Variants in CLEC16A observed in about 807,000 individuals in gnomAD.
CLEC16A encodes the protein protein CLEC16A.
CLEC16A carries 51 observed loss-of-function variants against 109.5 expected under a neutral mutation model. That is an observed-to-expected ratio of 0.47 (90% confidence interval 0.37 to 0.59). The LOEUF (loss-of-function observed/expected upper bound fraction) is 0.59. Among genes scored for constraint, CLEC16A ranks in the 20% least tolerant of loss-of-function variants. The probability of loss-of-function intolerance (pLI) is 0.00; values close to 1 mark genes in which losing one functional copy is unlikely to be tolerated. For synonymous variants in CLEC16A, 673 were observed against 564.2 expected (o/e 1.19, Z -2.73); for missense variants, 1,339 against 1,394.0 (o/e 0.96, Z 0.63).
intron 19 of CLEC16A, among the ~76,000 whole-genome samples, chr16:11,099,348 T>G (rs1206497573): frequency 6.6e-6 from 1 of 152,230 alleles, no homozygotes; most frequent in African/African-American, 2.4e-5. Context: ...AAATCTACAT[T>G]AATGAAAATT....
At chr16:11,001,812 T>C (rs1218173743) in intron 10 of CLEC16A, among the ~76,000 whole-genome samples, 2 of 152,176 alleles carry the variant, frequency 1.3e-5, no homozygotes, top group Non-Finnish European at 2.9e-5. Flanking sequence ...CGGCCATCTC[T>C]GACTTTTTAA....
intron 10 of CLEC16A, among the ~76,000 whole-genome samples, chr16:10,996,808 G>A (rs1244142573): frequency 6.6e-6 from 1 of 152,144 alleles, no homozygotes; most frequent in Non-Finnish European, 1.5e-5. Flanking sequence ...GAGAGGCGTG[G>A]CCTGTGGCTT....
chr16:10,978,050 A>G (rs1049817837), intron 8 of CLEC16A, among the ~76,000 whole-genome samples: 1 of 152,134 alleles, frequency 6.6e-6, no homozygotes, highest in Non-Finnish European at 1.5e-5. Flanking sequence ...GCCAGAACCC[A>G]CTGATTTGGA....
chr16:11,098,328 G>A (rs963646374), intron 19 of CLEC16A, among the ~76,000 whole-genome samples: 2 of 152,258 alleles, frequency 1.3e-5, no homozygotes, highest in East Asian at 3.8e-4. Flanking sequence ...GCGTGCCTGT[G>A]CACGCCGAGG....
chr16:11,126,186 A>G, intron 22 of CLEC16A, 40 bp downstream of exon 22: 1 of 1,612,150 alleles, frequency 6.2e-7, no homozygotes, highest in Non-Finnish European at 8.5e-7. Context: ...CTCGTTCATC[A>G]TGGTGGGCGT....
chr16:11,020,241 C>T lies in CLEC16A; in HGVS notation c.1352C>T (p.Ala451Val). The change falls in exon 12 of 24, where the codon GCC becomes GTC. Residue 451 changes from alanine (A) to valine (V), a missense_variant. By Grantham distance (64) the Ala-to-Val change is moderately conservative (BLOSUM62 0). Transcript: ENST00000409790. ...CGTAGCAAGCTCTCAGAGCTGGCCG[C>T]CAGCACCTCCGTGCAGGAGCAGAAC... ...MERSKLSELA[A>V]STSVQEQNTT... The T allele has an allele frequency of 6.2e-7, 1 of 1,613,790 alleles. No individual in the cohort carries two copies. The highest frequency in any genetic ancestry group is 8.5e-7 in the Non-Finnish European group (1 of 1,179,780).
intron 19 of CLEC16A, chr16:11,070,535 C>T (rs1212228340): frequency 6.6e-6 from 1 of 152,172 alleles, no homozygotes; most frequent in East Asian, 1.9e-4. Context: ...TGAATTATTG[C>T]AGTAGTCTCT....
At chr16:11,051,384 A>G (rs906326180) in intron 17 of CLEC16A, 129 bp from the exon 18 acceptor site, 2 of 945,990 alleles carry the variant, frequency 2.1e-6, no homozygotes, top group Middle Eastern at 2.5e-4. Context: ...ATCTAAATCC[A>G]GGATTTAGAT....
intron 13 of CLEC16A, among the ~76,000 whole-genome samples, chr16:11,031,730 A>C (rs1050530335): frequency 6.6e-6 from 1 of 152,218 alleles, no homozygotes; most frequent in Admixed American, 6.5e-5. Flanking sequence ...CTAGTAACCA[A>C]GTAAAATAAT....
At position 10,954,892 on chromosome 16, in the gene CLEC16A, G is replaced by A. The variant is rs1006141080; in HGVS notation, c.81-2890G>A. On this transcript the variant is annotated intron_variant, in intron 1 of 23. Coordinates refer to ENST00000409790, the MANE Select transcript of CLEC16A (RefSeq NM_015226.3). This position sits in a 1 kb window ranked among gnomAD's most constrained non-coding sequence, Gnocchi z 4.2. The stretch of plus-strand genomic sequence containing the variant: ...TCCTTAGATAATGTAGTAATAATGT[G>A]AATAACGGCCCCCACCACAATGACC... 3.9e-5 allele frequency among the ~76,000 whole-genome samples: 6 copies of A among 152,168 alleles called. No individual in the cohort carries two copies. Among genetic ancestry groups the A allele is most frequent in the Non-Finnish European group, 1.5e-5 (1 of 68,032 alleles).
intron 20 of CLEC16A, among the ~76,000 whole-genome samples, chr16:11,122,906 T>TTTTTC (rs2052536603): frequency 1.4e-5 from 2 of 138,400 alleles, no homozygotes; most frequent in African/African-American, 2.7e-5. Context: ...CTTTTTTTTT[T>TTTTTC]TTTTTTTTTT....
In CLEC16A at chr16:10,969,195, C is replaced by T; in HGVS notation, c.378C>T (p.Ile126=). 1 of 1,610,124 alleles carries T rather than the reference C, an allele frequency of 6.2e-7. No homozygotes were observed. Among genetic ancestry groups the T allele is most frequent in the South Asian group, 1.1e-5 (1 of 90,824 alleles). ...TCTCAAATAACTACGTAAATTCTAT[C>T]ATCGTTCATAAATTTGACTTTTCTG... is the stretch of plus-strand genomic sequence containing the variant. The part of the protein sequence containing the change: ...YLLSNNYVNS[I]IVHKFDFSDE... Residue 126 remains isoleucine (I), a synonymous_variant, in exon 4 of 24, where the codon ATC becomes ATT. Transcript: ENST00000409790.
At chr16:11,147,311 C>T (rs2054105632) in intron 22 of CLEC16A, among the ~76,000 whole-genome samples, 1 of 152,192 alleles carries the variant, frequency 6.6e-6, no homozygotes, top group Non-Finnish European at 1.5e-5. Flanking sequence ...CCTGCCGTGG[C>T]CCTGACTACT....
intron 7 of CLEC16A, among the ~76,000 whole-genome samples, chr16:10,975,879 T>C (rs181466253): frequency 1.3e-5 from 2 of 152,236 alleles, no homozygotes; most frequent in African/African-American, 4.8e-5. Flanking sequence ...CTCGAACTCC[T>C]GACCTAAAGC....
chr16:10,971,184 C>T lies in CLEC16A; in HGVS notation c.552C>T (p.Ser184=), dbSNP rs1451469474. 1.9e-6 allele frequency: 3 copies of T among 1,613,626 alleles called. No individual in the cohort carries two copies. Among genetic ancestry groups the T allele is most frequent in the South Asian group, 2.2e-5 (2 of 91,068 alleles). The change falls in exon 5 of 24, where the codon AGC becomes AGT. Residue 184 remains serine (S), a synonymous_variant. Transcript: ENST00000409790. ...EAIKFFNHPE[S]MVRIAVRTIT... ...TCAAGTTTTTCAACCACCCTGAAAG[C>T]ATGGTTAGAATTGCTGTAAGAACCA...
chr16:10,981,152 G>T (rs1170204215), intron 9 of CLEC16A, among the ~76,000 whole-genome samples: 1 of 152,184 alleles, frequency 6.6e-6, no homozygotes, highest in Non-Finnish European at 1.5e-5. Context: ...TTGTTCAGGG[G>T]GGCCTTTGTA....
chr16:11,167,846 T>C (rs1236924228), intron 23 of CLEC16A, among the ~76,000 whole-genome samples: 1 of 152,206 alleles, frequency 6.6e-6, no homozygotes, highest in African/African-American at 2.4e-5. Flanking sequence ...TTGCCAGGCT[T>C]GTAGCTGGGA....
At chr16:11,113,900 A>G (rs1597427796) in intron 19 of CLEC16A, among the ~76,000 whole-genome samples, 4 of 152,350 alleles carry the variant, frequency 2.6e-5, no homozygotes, top group African/African-American at 9.6e-5. Flanking sequence ...TCTTGGGAAC[A>G]TACCAATTGC....
intron 11 of CLEC16A, among the ~76,000 whole-genome samples, chr16:11,010,644 T>G (rs1187468597): frequency 1.3e-5 from 2 of 152,212 alleles, no homozygotes; most frequent in African/African-American, 4.8e-5. Context: ...GGTGTTCTCA[T>G]TCATGAGCAC....
Sources: allele counts gnomAD v4.1 joint callset (sites outside exome capture counted in the v4.1 genomes callset), GRCh38; gene constraint gnomAD v4.1.1; non-coding constraint Gnocchi (gnomAD v3.1); transcripts MANE v1.5; gene names NCBI Gene and HGNC (gene_info 2026-07-23, HGNC 2026-07-21).